The following SLC6A16 variants were observed in gnomAD, a reference collection of about 807,000 sequenced individuals.
SLC6A16 encodes solute carrier family 6 member 16.
A neutral mutation model predicts 65.4 loss-of-function variants in SLC6A16; 54 were observed. That is an observed-to-expected ratio of 0.83 (90% CI 0.66 to 1.04). The LOEUF is 1.04. SLC6A16 is among the 50% of genes least tolerant of loss of function. The pLI is 0.00. For synonymous variants in SLC6A16, 330 were observed against 346.5 expected (o/e 0.95, Z 0.53); for missense variants, 816 against 914.0 (o/e 0.89, Z 1.38).
chr19:49,304,249 G>C (rs143231114), intron 7 of SLC6A16, among the ~76,000 whole-genome samples: 1 of 152,308 alleles, frequency 6.6e-6, no homozygotes, highest in East Asian at 1.9e-4. Flanking sequence ...GCCATAAAGA[G>C]AGGGTTCTCA....
At chr19:49,316,872 A>T (rs900136609) in intron 1 of SLC6A16, among the ~76,000 whole-genome samples, 2 of 151,268 alleles carry the variant, frequency 1.3e-5, no homozygotes, top group Non-Finnish European at 2.9e-5. Flanking sequence ...AAAAAAAAAA[A>T]AAATTAAAAT....
chr19:49,329,086 G>C (rs1311161697), upstream of SLC6A16, among the ~76,000 whole-genome samples: 1 of 152,108 alleles, frequency 6.6e-6, no homozygotes, highest in Non-Finnish European at 1.5e-5. Flanking sequence ...CAGTAGGTAA[G>C]AAATGTTTAT....
At chr19:49,307,838 A>G (rs1414649641) in intron 7 of SLC6A16, among the ~76,000 whole-genome samples, 1 of 151,930 alleles carries the variant, frequency 6.6e-6, no homozygotes, top group Non-Finnish European at 1.5e-5. Flanking sequence ...GACAGAATTA[A>G]TGGCTCTGTC....
In SLC6A16 at chr19:49,310,071, T is replaced by C. The variant is rs749318423; in HGVS notation, c.669A>G (p.Lys223=). 6.2e-7 allele frequency: 1 copy of C among 1,614,072 alleles called. No homozygotes were observed. Among genetic ancestry groups the C allele is most frequent in the Non-Finnish European group, 8.5e-7 (1 of 1,180,028 alleles). Residue 223 remains lysine (K), a synonymous_variant, in exon 4 of 12, where the codon AAA becomes AAG. Coordinates refer to ENST00000335875, the MANE Select transcript of SLC6A16 (RefSeq NM_014037.3). ...QSFQFPVPWE[K]CPLTMNSSGF... is the part of the protein sequence containing the mutation. ...CACTAGAGTTCATCGTTAAGGGACATTTCTCCCATGGAACGGGAAACTGGA... is the reference window on the plus strand; with the variant it reads ...CACTAGAGTTCATCGTTAAGGGACACTTCTCCCATGGAACGGGAAACTGGA...
chr19:49,294,756 G>A (rs1408747384), intron 7 of SLC6A16, among the ~76,000 whole-genome samples: 1 of 152,110 alleles, frequency 6.6e-6, no homozygotes, highest in East Asian at 1.9e-4. Flanking sequence ...TTATGACCAT[G>A]GGAGAGCCTA....
At chr19:49,326,373 AAAT>A (rs1970797507), upstream of SLC6A16, among the ~76,000 whole-genome samples, 1 of 152,180 alleles carries the variant, frequency 6.6e-6, no homozygotes, top group Non-Finnish European at 1.5e-5. Context: ...AGTGAAAGGC[AAAT>A]AATATCTTAG....
chr19:49,310,145 A>ACATTTCC lies in SLC6A16; in HGVS notation c.594_595insGGAAATG (p.Tyr199GlyfsTer35). On this transcript the variant is annotated frameshift_variant, in exon 4 of 12. Transcript: ENST00000335875. LOFTEE classifies it high-confidence loss of function. ...ATCCAGGAATTGACCACATTGAAGT[A>ACATTTCC]CAGGCCGAGGATGAAGCACACCTGG... 3 of 1,614,136 alleles carry ACATTTCC rather than the reference A, an allele frequency of 1.9e-6. No homozygotes were observed. Among genetic ancestry groups the ACATTTCC allele is most frequent in the Non-Finnish European group, 2.5e-6 (3 of 1,180,018 alleles).
At chr19:49,315,873 C>T (rs950574804) in intron 1 of SLC6A16, among the ~76,000 whole-genome samples, 1 of 151,990 alleles carries the variant, frequency 6.6e-6, no homozygotes, top group Non-Finnish European at 1.5e-5. Context: ...GTGAAGAAAG[C>T]TTGCCTTTTG....
chr19:49,325,611 G>C (rs2146188766), upstream of SLC6A16, among the ~76,000 whole-genome samples: 1 of 152,252 alleles, frequency 6.6e-6, no homozygotes, highest in Non-Finnish European at 1.5e-5. Context: ...TGCCTTAAGA[G>C]AGCTCAGAAG....
At chr19:49,317,154 A>G (rs1309479204) in intron 1 of SLC6A16, among the ~76,000 whole-genome samples, 1 of 151,878 alleles carries the variant, frequency 6.6e-6, no homozygotes, top group Non-Finnish European at 1.5e-5. Context: ...AGCCTGGCCA[A>G]TATGGTGAAA....
intron 7 of SLC6A16, among the ~76,000 whole-genome samples, chr19:49,301,035 C>T (rs1052600483): frequency 4.0e-5 from 6 of 151,818 alleles, no homozygotes; most frequent in South Asian, 2.1e-4. Flanking sequence ...TGGAAGTCAG[C>T]GAGACTCCAT....
At chr19:49,324,030 TTAAAAA>T (rs983613708) in intron 1 of SLC6A16, among the ~76,000 whole-genome samples, 2 of 144,342 alleles carry the variant, frequency 1.4e-5, no homozygotes, top group Non-Finnish European at 3.0e-5. Context: ...ACCCTGTCTC[TTAAAAA>T]TAATAATAAT....
chr19:49,339,319 AC>A, the SLC6A16 span: 4 of 1,612,124 alleles, frequency 2.5e-6, no homozygotes, highest in Middle Eastern at 1.7e-4. This position sits in a 1 kb window ranked among gnomAD's most constrained non-coding sequence, Gnocchi z 4.5. Flanking sequence ...ACTTTTCCCT[AC>A]ACCCCCCAGG....
rs979206776 is a variant in SLC6A16, at chr19:49,315,079, G to T, written c.-64-3668C>A. 2.0e-5 allele frequency among the ~76,000 whole-genome samples: 3 copies of T among 151,998 alleles called. 1 individual carries two copies. The highest frequency in any genetic ancestry group is 4.4e-5 in the Non-Finnish European group (3 of 68,022). On this transcript the variant is annotated intron_variant, in intron 1 of 11. Transcript: ENST00000335875. ...TGATTTTAAAATATTACAAATATGG[G>T]GATATCTGCATCATTTCTGAAAAAT...
rs767981416 is a variant in SLC6A16 at position 49,290,297 on chromosome 19, T to C, written c.2037A>G (p.Val679=). The change falls in exon 12 of 12, where the codon GTA becomes GTG. Residue 679 remains valine, a synonymous_variant. Coordinates refer to ENST00000335875, the MANE Select transcript of SLC6A16 (RefSeq NM_014037.3). The stretch of plus-strand genomic sequence containing the variant: ...AGGGAATCCTATGTATGCGGCAGTA[T>C]ACAAAGTATGCAGGGATGGGGAGGA... ...IVILPIPAYF[V]YCRIHRIPFR... 1.9e-6 allele frequency: 3 copies of C among 1,614,074 alleles called. No individual in the cohort carries two copies. Among genetic ancestry groups the C allele is most frequent in the Non-Finnish European group, 2.5e-6 (3 of 1,180,018 alleles).
chr19:49,327,037 G>A (rs1190473978), upstream of SLC6A16, among the ~76,000 whole-genome samples: 1 of 150,486 alleles, frequency 6.6e-6, no homozygotes, highest in African/African-American at 2.4e-5. Context: ...AAAAAAAAGT[G>A]CTGCGACAGA....
intron 1 of SLC6A16, among the ~76,000 whole-genome samples, chr19:49,323,619 G>A (rs569494825): frequency 3.3e-5 from 5 of 152,236 alleles, no homozygotes; most frequent in African/African-American, 4.8e-5. Context: ...GATGTTCAAC[G>A]TCACTAATCA....
At chr19:49,305,162 T>C (rs1970359286) in intron 7 of SLC6A16, among the ~76,000 whole-genome samples, 1 of 152,224 alleles carries the variant, frequency 6.6e-6, no homozygotes. Context: ...TTGCTGAGTC[T>C]GCCTTTGTGC....
the SLC6A16 span, chr19:49,336,381 C>A: frequency 6.3e-6 from 1 of 157,924 alleles, no homozygotes; most frequent in Non-Finnish European, 1.4e-5. Context: ...CATGGTGAAA[C>A]CCTGTCTCTA....
Sources: gnomAD v4.1 joint callset for allele counts (sites outside exome capture counted in the v4.1 genomes callset) on GRCh38, gnomAD v4.1.1 for gene constraint, Gnocchi (gnomAD v3.1) non-coding constraint, MANE v1.5 for transcripts, NCBI Gene and HGNC (gene_info 2026-07-23, HGNC 2026-07-21) for gene names.